The following NKAIN3 variants were observed in gnomAD, a reference collection of about 807,000 sequenced individuals.
NKAIN3 encodes sodium/potassium transporting ATPase interacting 3.
NKAIN3 carries 25 observed loss-of-function variants against 30.2 expected under a neutral mutation model. That is an observed-to-expected ratio of 0.83 (90% CI 0.60 to 1.16). The LOEUF (loss-of-function observed/expected upper bound fraction) is 1.16, where lower values mean the gene tolerates loss of function less well. NKAIN3 is among the 50% of genes most tolerant of loss of function. The probability of loss-of-function intolerance (pLI) is 0.00; values close to 1 mark genes in which losing one functional copy is unlikely to be tolerated. For missense variants in NKAIN3, 225 were observed against 254.1 expected, an observed-to-expected ratio of 0.89 and a Z score of 0.78; for synonymous variants, 91 against 89.6, an observed-to-expected ratio of 1.02 and a Z score of -0.09.
At chr8:62,333,319 T>C (rs1160500247) in intron 1 of NKAIN3, among the ~76,000 whole-genome samples, 1 of 152,142 alleles carries the variant, frequency 6.6e-6, no homozygotes, top group Non-Finnish European at 1.5e-5. Flanking sequence ...ATGTAGTTAT[T>C]ATTTATTTTT....
chr8:62,438,269 A>G (rs1805228192), intron 1 of NKAIN3, among the ~76,000 whole-genome samples: 1 of 152,184 alleles, frequency 6.6e-6, no homozygotes, highest in South Asian at 2.1e-4. Context: ...CAGGTAAAGG[A>G]CCTATCTTTA....
chr8:62,427,300 T>A (rs1182929212), intron 1 of NKAIN3, among the ~76,000 whole-genome samples: 1 of 151,964 alleles, frequency 6.6e-6, no homozygotes, highest in Non-Finnish European at 1.5e-5. Context: ...TCTCCATGTG[T>A]TTATGAGGCC....
chr8:62,930,782 C>T (rs548102281), intron 5 of NKAIN3, among the ~76,000 whole-genome samples: 4 of 151,904 alleles, frequency 2.6e-5, no homozygotes, highest in Admixed American at 1.3e-4. Flanking sequence ...CGGCTCACTG[C>T]ATGCTCTGCC....
intron 1 of NKAIN3, among the ~76,000 whole-genome samples, chr8:62,283,596 TC>T (rs1413066466): frequency 1.3e-5 from 2 of 152,142 alleles, no homozygotes; most frequent in Non-Finnish European, 2.9e-5. Flanking sequence ...CCATATTTTT[TC>T]TAACTGATTA....
chr8:62,926,503 C>T (rs1822448781), intron 5 of NKAIN3, among the ~76,000 whole-genome samples: 1 of 151,832 alleles, frequency 6.6e-6, no homozygotes, highest in Non-Finnish European at 1.5e-5. Flanking sequence ...GCTCCAGGGG[C>T]CTCCCACTCA....
intron 1 of NKAIN3, among the ~76,000 whole-genome samples, chr8:62,297,188 C>A (rs1272990383): frequency 6.6e-6 from 1 of 152,158 alleles, no homozygotes; most frequent in Non-Finnish European, 1.5e-5. Context: ...GGATTAAAGA[C>A]TTAAATGTTA....
chr8:62,954,151 G>C (rs550018323), intron 6 of NKAIN3, among the ~76,000 whole-genome samples, 179 bp downstream of exon 6: 41 of 152,226 alleles, frequency 2.7e-4, no homozygotes, highest in African/African-American at 9.6e-4. Flanking sequence ...ATTCCAAAAA[G>C]GATTTGAAGC....
At position 62,854,634 on chromosome 8, in the gene NKAIN3, C is replaced by A. The variant is rs78217633; in HGVS notation, c.472-63819C>A. Among the ~76,000 whole-genome samples, 3 of 152,226 alleles carry A rather than the reference C, an allele frequency of 2.0e-5. No individual in the cohort carries two copies. The South Asian group carries it at 6.2e-4, about 32-fold the overall frequency. ...TCTTGAAGACAGCGTACAGATGGAT[C>A]TTGATTCTTTATCTGGTTTGCCATT... On this transcript the variant is annotated intron_variant, in intron 4 of 6. Transcript: ENST00000623646.
At chr8:62,338,263 A>C (rs1815632025) in intron 1 of NKAIN3, among the ~76,000 whole-genome samples, 1 of 152,010 alleles carries the variant, frequency 6.6e-6, no homozygotes, top group Non-Finnish European at 1.5e-5. Context: ...TGATGACTTG[A>C]AAAAGAAAAA....
intron 1 of NKAIN3, among the ~76,000 whole-genome samples, chr8:62,274,652 T>A (rs934180386): frequency 1.2e-4 from 18 of 152,236 alleles, no homozygotes; most frequent in African/African-American, 4.1e-4. Flanking sequence ...TGTGCAGGTT[T>A]GTTACATATG....
At chr8:62,956,105 A>G (rs1054371803) in intron 6 of NKAIN3, among the ~76,000 whole-genome samples, 1 of 152,210 alleles carries the variant, frequency 6.6e-6, no homozygotes, top group Non-Finnish European at 1.5e-5. Flanking sequence ...CTTCACCAGT[A>G]TGCAAATATT....
At chr8:62,997,755 T>TTA (rs201520343) in intron 5 of NKAIN3, among the ~76,000 whole-genome samples, 12,834 of 145,516 alleles carry the variant, frequency 0.088, 582 homozygotes, top group South Asian at 0.16. Context: ...CTCTTTTCTT[T>TTA]AAAAAAAAAA....
At position 62,483,319 on chromosome 8, in the gene NKAIN3, A is replaced by G. The variant is rs138759218; in HGVS notation, c.55-96220A>G. The G allele has an allele frequency of 2.5e-3, 409 of 166,532 alleles. 1 individual carries two copies. Among genetic ancestry groups the G allele is most frequent in the Non-Finnish European group, 4.4e-3 (329 of 75,062 alleles). 10.3% of individuals were successfully genotyped at this position (166,532 alleles called of 1,614,324 possible). A position where few individuals can be genotyped will look rare whatever the true frequency, so the allele number is the denominator to read the frequency against. The stretch of plus-strand genomic sequence containing the variant: ...CCTGCTTTGCAGAGTGTTGGAGCAC[A>G]CTGCGGAGGCTCTGCTCACACGTGG... On this transcript the variant is annotated intron_variant, in intron 1 of 6. Coordinates refer to ENST00000623646, the MANE Select transcript of NKAIN3 (RefSeq NM_001304533.3).
intron 1 of NKAIN3, among the ~76,000 whole-genome samples, chr8:62,505,378 A>G (rs184748966): frequency 6.6e-6 from 1 of 152,340 alleles, no homozygotes; most frequent in African/African-American, 2.4e-5. Context: ...GAATATATAC[A>G]ACAGTTCATT....
At chr8:62,918,082 A>G (rs1253015061) in intron 4 of NKAIN3, among the ~76,000 whole-genome samples, 1 of 152,218 alleles carries the variant, frequency 6.6e-6, no homozygotes, top group African/African-American at 2.4e-5. Flanking sequence ...TAAACTTTAA[A>G]ATAGTTATAG....
intron 1 of NKAIN3, among the ~76,000 whole-genome samples, chr8:62,294,090 G>A (rs1251023813): frequency 6.6e-6 from 1 of 152,202 alleles, no homozygotes; most frequent in East Asian, 1.9e-4. Context: ...TTGGAAAAGA[G>A]CAGTATTAGG....
intron 6 of NKAIN3, among the ~76,000 whole-genome samples, chr8:62,964,967 C>A (rs1823667499): frequency 6.6e-6 from 1 of 152,074 alleles, no homozygotes; most frequent in Non-Finnish European, 1.5e-5. Flanking sequence ...AAAGCAAGAG[C>A]AGGATGATCT....
rs1463540198 is a variant in NKAIN3 at position 62,973,483 on chromosome 8, T to C, written c.*8076T>C. Among the ~76,000 whole-genome samples the C allele has an allele frequency of 1.3e-5, 2 of 152,246 alleles. No individual in the cohort carries two copies. The highest frequency in any genetic ancestry group is 2.9e-5 in the Non-Finnish European group (2 of 68,046). Reference sequence around the variant, plus strand: ...ATGTCTTCTTTTAAGAAGTGTCTATTCATATCCTTAACCCACTTTTTGATG... The same window carrying C: ...ATGTCTTCTTTTAAGAAGTGTCTATCCATATCCTTAACCCACTTTTTGATG... On this transcript the variant is annotated 3_prime_UTR_variant, in exon 7 of 7. Coordinates refer to ENST00000623646, the MANE Select transcript of NKAIN3 (RefSeq NM_001304533.3).
In NKAIN3 at chr8:62,345,488, T is replaced by C. The variant is rs373493873; in HGVS notation, c.54+96361T>C. Among the ~76,000 whole-genome samples the C allele has an allele frequency of 3.1e-4, 4 of 12,746 alleles. 1 individual carries two copies. The highest frequency in any genetic ancestry group is 2.4e-3 in the Admixed American group (2 of 838). 8.4% of individuals were successfully genotyped at this position (12,746 alleles called of 152,430 possible). ...ACACATATATACACATATATGTATA[T>C]ATACACACATATATACACATATATA... On this transcript the variant is annotated intron_variant, in intron 1 of 6. Coordinates refer to ENST00000623646, the MANE Select transcript of NKAIN3 (RefSeq NM_001304533.3).
Sources: gnomAD v4.1 joint callset for allele counts (sites outside exome capture counted in the v4.1 genomes callset) on GRCh38, gnomAD v4.1.1 for gene constraint, MANE v1.5 for transcripts, NCBI Gene and HGNC (gene_info 2026-07-23, HGNC 2026-07-21) for gene names.